The following PLCB4 variants were observed in gnomAD, a reference collection of about 807,000 sequenced individuals.
The protein encoded by PLCB4 is 1-phosphatidylinositol 4,5-bisphosphate phosphodiesterase beta-4.
A neutral mutation model predicts 178.8 loss-of-function variants in PLCB4; 77 were observed. The ratio of observed to expected loss-of-function variants is 0.43; its 90% CI spans 0.36 to 0.52. The LOEUF (loss-of-function observed/expected upper bound fraction) is 0.52, where lower values mean the gene tolerates loss of function less well. Ranked by LOEUF, PLCB4 falls within the 20% of genes least tolerant of loss-of-function variation. The pLI is 0.00. For synonymous variants in PLCB4, 496 were observed against 490.8 expected (o/e 1.01, Z -0.14); for missense variants, 1,024 against 1,453.4 (o/e 0.70, Z 4.80).
intron 35 of PLCB4, among the ~76,000 whole-genome samples, chr20:9,460,125 C>T (rs953601584): frequency 6.6e-6 from 1 of 152,192 alleles, no homozygotes; most frequent in Non-Finnish European, 1.5e-5. Context: ...CCCCTGCCAT[C>T]AGAGGGCTTA....
intron 2 of PLCB4, among the ~76,000 whole-genome samples, chr20:9,134,622 C>T (rs778919694): frequency 8.5e-5 from 13 of 152,064 alleles, no homozygotes; most frequent in African/African-American, 1.4e-4. Flanking sequence ...TTCTGCCTCC[C>T]GTTTCCAATA....
intron 7 of PLCB4, among the ~76,000 whole-genome samples, chr20:9,351,064 G>A (rs1235802110): frequency 6.6e-6 from 1 of 152,128 alleles, no homozygotes; most frequent in African/African-American, 2.4e-5. Flanking sequence ...CATATAAAGG[G>A]GGTTCTTTGG....
chr20:9,220,939 A>G (rs1056476069), intron 3 of PLCB4, among the ~76,000 whole-genome samples: 4 of 152,200 alleles, frequency 2.6e-5, no homozygotes, highest in Admixed American at 6.5e-5. Flanking sequence ...GCTCTTATCC[A>G]TGGTACAACA....
chr20:9,139,646 G>A (rs548679667), intron 2 of PLCB4, among the ~76,000 whole-genome samples: 15 of 152,224 alleles, frequency 9.9e-5, no homozygotes, highest in African/African-American at 3.6e-4. Context: ...CACAGGGCCA[G>A]CTTCCAGGAG....
At chr20:9,095,676 A>G (rs1445593725) in intron 1 of PLCB4, among the ~76,000 whole-genome samples, 1 of 152,186 alleles carries the variant, frequency 6.6e-6, no homozygotes, top group Non-Finnish European at 1.5e-5. Context: ...AAAGTAATAC[A>G]TGTAAAATAA....
chr20:9,213,076 A>G (rs73600226), intron 2 of PLCB4, among the ~76,000 whole-genome samples: 1 of 147,536 alleles, frequency 6.8e-6, no homozygotes. Context: ...TTTCATATAC[A>G]TGGGAACATA....
rs577080327 is a variant in PLCB4, at chr20:9,313,692, C to T, written c.84+5794C>T. Among the ~76,000 whole-genome samples, 295 of 152,314 alleles carry T rather than the reference C, an allele frequency of 1.9e-3. 4 individuals are homozygous for T. Among genetic ancestry groups the T allele is most frequent in the Admixed American group, 3.7e-3 (57 of 15,298 alleles). ...CTCTATTAGAGTTGGACATATGGAA[C>T]AGAAACCTGTTGGTGCCACTTTATT... On this transcript the variant is annotated intron_variant, in intron 4 of 39. Transcript: ENST00000378473.
At chr20:9,299,755 A>T (rs1379225110) in intron 3 of PLCB4, among the ~76,000 whole-genome samples, 1 of 152,094 alleles carries the variant, frequency 6.6e-6, no homozygotes, top group Non-Finnish European at 1.5e-5. Context: ...ACAGCACAAC[A>T]GTATTCTTGT....
intron 36 of PLCB4, among the ~76,000 whole-genome samples, 155 bp from the exon 37 acceptor site, chr20:9,472,635 G>T (rs2044266220): frequency 6.6e-6 from 1 of 152,084 alleles, no homozygotes; most frequent in Admixed American, 6.5e-5. Context: ...TTCTTCTCTG[G>T]ACATTATATG....
intron 3 of PLCB4, among the ~76,000 whole-genome samples, chr20:9,299,849 A>G (rs1172501841): frequency 6.6e-6 from 1 of 152,102 alleles, no homozygotes; most frequent in African/African-American, 2.4e-5. Flanking sequence ...TCAAGGCTAT[A>G]GAAATGTATT....
chr20:9,105,800 A>G (rs945834583), intron 2 of PLCB4, among the ~76,000 whole-genome samples: 12 of 152,082 alleles, frequency 7.9e-5, no homozygotes, highest in African/African-American at 2.4e-4. Flanking sequence ...TAATATAGAA[A>G]TAATTCTAGG....
At chr20:9,358,466 C>T (rs563741791) in intron 7 of PLCB4, among the ~76,000 whole-genome samples, 19 of 152,222 alleles carry the variant, frequency 1.2e-4, no homozygotes, top group African/African-American at 4.1e-4. Flanking sequence ...TGACTAAAGA[C>T]GAAAAATAAT....
chr20:9,276,024 T>G (rs1449113583), intron 3 of PLCB4, among the ~76,000 whole-genome samples: 1 of 151,796 alleles, frequency 6.6e-6, no homozygotes, highest in South Asian at 2.1e-4. Context: ...GAGAGCACAG[T>G]AGGGAGTGGG....
At chr20:9,388,506 G>A (rs1289094203) in intron 15 of PLCB4, among the ~76,000 whole-genome samples, 2 of 152,118 alleles carry the variant, frequency 1.3e-5, no homozygotes, top group Admixed American at 6.5e-5. Flanking sequence ...ATCACTTGAC[G>A]TCAGGAGTTC....
At chr20:9,383,233 T>G (rs1043645382) in intron 13 of PLCB4, among the ~76,000 whole-genome samples, 5 of 152,198 alleles carry the variant, frequency 3.3e-5, no homozygotes, top group African/African-American at 9.7e-5. Context: ...CTATCTGGTA[T>G]GGAATGGAAT....
chr20:9,338,079 T>C lies in PLCB4; in HGVS notation c.225+12T>C. 6.3e-7 allele frequency: 1 copy of C among 1,586,508 alleles called. No individual in the cohort carries two copies. The highest frequency in any genetic ancestry group is 8.7e-7 in the Non-Finnish European group (1 of 1,155,156). ...GAGCCATACCAAAGGTACCTGTGATTGGTATTTGCTTTTCTAAACACGGAT... is the reference window on the plus strand; with the variant it reads ...GAGCCATACCAAAGGTACCTGTGATCGGTATTTGCTTTTCTAAACACGGAT... On this transcript the variant is annotated intron_variant, in intron 6 of 39. Coordinates refer to ENST00000378473, the MANE Select transcript of PLCB4 (RefSeq NM_001377142.1).
intron 2 of PLCB4, among the ~76,000 whole-genome samples, chr20:9,097,279 T>G (rs1358805136): frequency 6.8e-6 from 1 of 147,896 alleles, no homozygotes; most frequent in Non-Finnish European, 1.5e-5. Context: ...CTTTTTATTC[T>G]GAAATATGGA....
intron 9 of PLCB4, among the ~76,000 whole-genome samples, chr20:9,366,877 AAAT>A (rs1245646937): frequency 6.6e-6 from 1 of 152,232 alleles, no homozygotes; most frequent in Non-Finnish European, 1.5e-5. Flanking sequence ...GCAAATCAAC[AAAT>A]AATAACAAAC....
chr20:9,465,030 T>G (rs920129472), intron 35 of PLCB4, among the ~76,000 whole-genome samples: 5 of 152,152 alleles, frequency 3.3e-5, no homozygotes, highest in Admixed American at 2.6e-4. Context: ...GCAAAAATCC[T>G]CAATAAGATA....
Sources: gnomAD v4.1 joint callset for allele counts (sites outside exome capture counted in the v4.1 genomes callset) on GRCh38, gnomAD v4.1.1 for gene constraint, MANE v1.5 for transcripts, NCBI Gene and HGNC (gene_info 2026-07-23, HGNC 2026-07-21) for gene names.